WWOX: variants seen among roughly 807,000 people sequenced by gnomAD.
WWOX encodes the protein WW domain-containing oxidoreductase.
A neutral mutation model predicts 46.2 loss-of-function variants in WWOX; 69 were observed. The ratio of observed to expected loss-of-function variants is 1.49; its 90% CI spans 1.23 to 1.82. The LOEUF is 1.82. Among genes scored for constraint, WWOX ranks in the 40% most tolerant of loss-of-function variants. The pLI, the probability that WWOX is intolerant of heterozygous loss-of-function variation, is 0.00. For missense variants in WWOX, 919 were observed against 542.6 expected, an observed-to-expected ratio of 1.69 and a Z score of -6.89; for synonymous variants, 359 against 202.6, an observed-to-expected ratio of 1.77 and a Z score of -6.56.
intron 5 of WWOX, among the ~76,000 whole-genome samples, chr16:78,333,741 T>C (rs1358256428): frequency 6.6e-6 from 1 of 152,250 alleles, no homozygotes; most frequent in East Asian, 1.9e-4. Context: ...AAATTTCAAA[T>C]GGTTCCTCTG....
At chr16:78,726,689 GGTTA>G (rs1222946117) in intron 8 of WWOX, among the ~76,000 whole-genome samples, 1 of 148,068 alleles carries the variant, frequency 6.8e-6, no homozygotes, top group African/African-American at 2.6e-5. Context: ...AAAGCCCTAG[GGTTA>G]GTTGGTTGGT....
At chr16:78,909,848 T>C (rs1280531402) in intron 8 of WWOX, among the ~76,000 whole-genome samples, 1 of 152,356 alleles carries the variant, frequency 6.6e-6, no homozygotes, top group East Asian at 1.9e-4. Flanking sequence ...CCATAAATAC[T>C]GCTTGGCAAA....
chr16:79,076,084 G>C (rs969648218), intron 8 of WWOX, among the ~76,000 whole-genome samples: 1 of 152,088 alleles, frequency 6.6e-6, no homozygotes, highest in Non-Finnish European at 1.5e-5. Context: ...TAGAAGATTT[G>C]AGCCAATGAT....
chr16:78,536,487 C>G (rs1477309859), intron 8 of WWOX, among the ~76,000 whole-genome samples: 3 of 152,024 alleles, frequency 2.0e-5, no homozygotes, highest in Non-Finnish European at 4.4e-5. Flanking sequence ...GCTTTAGGTC[C>G]TCTCTGGAGG....
At chr16:78,370,054 C>T (rs747682072) in intron 5 of WWOX, among the ~76,000 whole-genome samples, 2 of 133,250 alleles carry the variant, frequency 1.5e-5, no homozygotes, top group Non-Finnish European at 3.1e-5. Flanking sequence ...ATCGCTTCAG[C>T]TTGGGAGCTG....
At chr16:78,997,070 A>C (rs938501538) in intron 8 of WWOX, among the ~76,000 whole-genome samples, 1 of 151,938 alleles carries the variant, frequency 6.6e-6, no homozygotes, top group Non-Finnish European at 1.5e-5. Flanking sequence ...TCAGATTCCA[A>C]AGGCATCATA....
intron 7 of WWOX, among the ~76,000 whole-genome samples, chr16:78,431,867 C>G (rs1440869325): frequency 6.6e-6 from 1 of 152,022 alleles, no homozygotes; most frequent in Non-Finnish European, 1.5e-5. Flanking sequence ...CAGGCATGTG[C>G]CAAAATACTC....
At chr16:78,323,812 A>AT (rs1297551463) in intron 5 of WWOX, among the ~76,000 whole-genome samples, 18 of 152,278 alleles carry the variant, frequency 1.2e-4, no homozygotes, top group African/African-American at 4.3e-4. Flanking sequence ...TACTTGACTA[A>AT]TTGTAGAGCT....
chr16:79,058,924 A>G (rs2048312830), intron 8 of WWOX, among the ~76,000 whole-genome samples: 1 of 152,240 alleles, frequency 6.6e-6, no homozygotes, highest in African/African-American at 2.4e-5. Flanking sequence ...ACATGTCAAA[A>G]TCTAGAAATA....
intron 8 of WWOX, among the ~76,000 whole-genome samples, chr16:78,794,469 T>A (rs2050687161): frequency 6.6e-6 from 1 of 152,346 alleles, no homozygotes; most frequent in South Asian, 2.1e-4. Context: ...TGACAAATCC[T>A]TCCATCTATG....
chr16:78,538,520 C>T (rs575535042), intron 8 of WWOX, among the ~76,000 whole-genome samples: 8 of 152,152 alleles, frequency 5.3e-5, no homozygotes, highest in African/African-American at 1.9e-4. Flanking sequence ...AGCCTGCCCT[C>T]CTCTTTAACT....
chr16:79,156,120 T>C (rs1255538706), intron 8 of WWOX, among the ~76,000 whole-genome samples: 2 of 152,214 alleles, frequency 1.3e-5, no homozygotes, highest in African/African-American at 4.8e-5. Context: ...CATCTGTTAC[T>C]ACTAACAGTG....
intron 5 of WWOX, among the ~76,000 whole-genome samples, chr16:78,208,847 A>G (rs2036473381): frequency 6.6e-6 from 1 of 152,252 alleles, no homozygotes; most frequent in Non-Finnish European, 1.5e-5. Flanking sequence ...CTAGTTAATT[A>G]CTATAAATTC....
At chr16:78,763,005 C>G (rs1367081583) in intron 8 of WWOX, among the ~76,000 whole-genome samples, 1 of 152,130 alleles carries the variant, frequency 6.6e-6, no homozygotes, top group African/African-American at 2.4e-5. Context: ...CAATAGATCT[C>G]CATATGCAGA....
rs200966505 is a variant in WWOX, at chr16:78,425,001, T to C, written c.737T>C (p.Val246Ala). The C allele has an allele frequency of 8.7e-6, 14 of 1,614,100 alleles. No individual in the cohort carries two copies. Among genetic ancestry groups the C allele is most frequent in the Admixed American group, 8.3e-5 (5 of 60,024 alleles). ...HFYLVQLLQD[V>A]LCRSAPARVI... Reference sequence around the variant, plus strand: ...TACCTTGTCCAGCTCCTCCAGGATGTTTTGTGCCGCTCAGCTCCTGCCCGT... The same window carrying C: ...TACCTTGTCCAGCTCCTCCAGGATGCTTTGTGCCGCTCAGCTCCTGCCCGT... The change falls in exon 7 of 9, where the codon GTT (valine) becomes GCT (alanine). Residue 246 changes from valine to alanine, a missense_variant. Transcript: ENST00000566780.
chr16:78,798,129 A>G (rs2050792313), intron 8 of WWOX, among the ~76,000 whole-genome samples: 1 of 152,158 alleles, frequency 6.6e-6, no homozygotes, highest in African/African-American at 2.4e-5. Context: ...ATAGGGAGCA[A>G]AGGACAGAGC....
chr16:79,081,658 C>T (rs1416904200), intron 8 of WWOX, among the ~76,000 whole-genome samples: 5 of 152,068 alleles, frequency 3.3e-5, no homozygotes, highest in East Asian at 3.9e-4. Context: ...GAGTGAGACC[C>T]GTATCAATGG....
rs563120479 is a variant in WWOX at position 78,281,691 on chromosome 16, T to C, written c.517-105169T>C. Among the ~76,000 whole-genome samples the C allele has an allele frequency of 2.0e-5, 3 of 152,340 alleles. No homozygotes were observed. In the East Asian group the frequency reaches 5.8e-4, roughly 29 times the overall value. ...TGGATACTGGAATTTGAATTTCATA[T>C]ACATTTTCATGTGTCACAAAATATT... is the stretch of plus-strand genomic sequence containing the variant. On this transcript the variant is annotated intron_variant, in intron 5 of 8. Coordinates refer to ENST00000566780, the MANE Select transcript of WWOX (RefSeq NM_016373.4).
intron 8 of WWOX, among the ~76,000 whole-genome samples, chr16:78,577,680 G>T (rs952167559): frequency 5.9e-5 from 9 of 152,148 alleles, no homozygotes; most frequent in Non-Finnish European, 1.3e-4. Flanking sequence ...AAGACCTTCT[G>T]GACAATTCCC....
Sources: allele counts gnomAD v4.1 joint callset (sites outside exome capture counted in the v4.1 genomes callset), GRCh38; gene constraint gnomAD v4.1.1; transcripts MANE v1.5; gene names NCBI Gene and HGNC (gene_info 2026-07-23, HGNC 2026-07-21).